UBR3: variants seen among roughly 807,000 people sequenced by gnomAD.
UBR3 encodes the protein E3 ubiquitin-protein ligase UBR3.
Under a neutral mutation model 243.2 loss-of-function variants are expected in UBR3, and 85 were observed. The observed-to-expected ratio is 0.35, with a 90% CI of 0.29 to 0.42. The LOEUF is 0.42. Among genes scored for constraint, UBR3 ranks in the 10% least tolerant of loss-of-function variants. UBR3 has a pLI of 1.00. For synonymous variants in UBR3, 748 were observed against 799.8 expected, an observed-to-expected ratio of 0.94 and a Z score of 1.09; for missense variants, 1,686 against 2,300.8, an observed-to-expected ratio of 0.73 and a Z score of 5.47.
At chr2:170,045,486 TC>T (rs2091061985) in intron 32 of UBR3, among the ~76,000 whole-genome samples, 1 of 152,150 alleles carries the variant, frequency 6.6e-6, no homozygotes, top group East Asian at 1.9e-4. Flanking sequence ...GAATACAGAC[TC>T]CCAAGATTCT....
intron 31 of UBR3, among the ~76,000 whole-genome samples, chr2:170,036,432 C>G (rs1482620096): frequency 6.6e-6 from 1 of 152,056 alleles, no homozygotes; most frequent in Non-Finnish European, 1.5e-5. Context: ...ATTTCTCTCT[C>G]TGTCCTTAGA....
At chr2:170,045,305 A>G (rs1005712067) in intron 32 of UBR3, among the ~76,000 whole-genome samples, 4 of 152,144 alleles carry the variant, frequency 2.6e-5, no homozygotes, top group Non-Finnish European at 5.9e-5. Context: ...GTTATCTCCC[A>G]CTGGGTCCCT....
chr2:170,000,165 A>G (rs899583834), intron 26 of UBR3, among the ~76,000 whole-genome samples: 2 of 151,866 alleles, frequency 1.3e-5, no homozygotes, highest in African/African-American at 4.8e-5. Context: ...AAAAAAAAAC[A>G]AATTTGGAAA....
intron 1 of UBR3, among the ~76,000 whole-genome samples, chr2:169,855,833 A>G (rs1409500872): frequency 2.0e-5 from 3 of 152,238 alleles, no homozygotes; most frequent in Non-Finnish European, 4.4e-5. Flanking sequence ...CGCCATCGTC[A>G]TCATGGCCCC....
intron 26 of UBR3, among the ~76,000 whole-genome samples, chr2:169,998,701 T>C (rs1423628381): frequency 6.6e-6 from 1 of 152,232 alleles, no homozygotes; most frequent in Admixed American, 6.5e-5. Context: ...TAGATTCTAC[T>C]GTCTTCAGAT....
chr2:169,944,878 T>C (rs2086726333), intron 20 of UBR3, among the ~76,000 whole-genome samples: 1 of 152,158 alleles, frequency 6.6e-6, no homozygotes, highest in Non-Finnish European at 1.5e-5. Context: ...TGTTCTAGTG[T>C]TGCTTACACT....
chr2:169,989,029 G>T (rs2089158854), intron 25 of UBR3, among the ~76,000 whole-genome samples: 1 of 152,094 alleles, frequency 6.6e-6, no homozygotes, highest in Non-Finnish European at 1.5e-5. Context: ...CTAAGGAGAT[G>T]TGCAAAGTGA....
At chr2:169,989,824 A>AC (rs1479718486) in intron 25 of UBR3, among the ~76,000 whole-genome samples, 1 of 152,168 alleles carries the variant, frequency 6.6e-6, no homozygotes, top group Non-Finnish European at 1.5e-5. Flanking sequence ...CTCTATAGTT[A>AC]CTTTCTTGTT....
intron 1 of UBR3, among the ~76,000 whole-genome samples, chr2:169,850,971 A>G (rs2082637343): frequency 6.6e-6 from 1 of 152,188 alleles, no homozygotes; most frequent in Non-Finnish European, 1.5e-5. Flanking sequence ...ACTTGGTTAC[A>G]TTTCTGCTTT....
intron 8 of UBR3, among the ~76,000 whole-genome samples, chr2:169,904,294 G>A (rs1310158635): frequency 6.6e-6 from 1 of 152,084 alleles, no homozygotes; most frequent in Non-Finnish European, 1.5e-5. Context: ...AACAAAAATT[G>A]ACTCTAGGTA....
intron 1 of UBR3, among the ~76,000 whole-genome samples, chr2:169,846,585 C>A (rs903069646): frequency 2.0e-5 from 3 of 151,950 alleles, no homozygotes; most frequent in Non-Finnish European, 4.4e-5. Context: ...TGGCATGTGC[C>A]TGTAATCCCA....
chr2:169,949,826 A>G lies in UBR3; in HGVS notation c.3306A>G (p.Gly1102=). ...LLIKLHHKLS[G]KQNSYYPPWL... ...TTAAACTTCACCACAAACTCTCAGGAAAACAAAACTCCTACTATCCTCCTT... is the reference window on the plus strand; with the variant it reads ...TTAAACTTCACCACAAACTCTCAGGGAAACAAAACTCCTACTATCCTCCTT... Residue 1102 remains glycine (G), a synonymous_variant, in exon 23 of 39, where the codon GGA becomes GGG. Transcript: ENST00000272793. The G allele has an allele frequency of 1.3e-6, 2 of 1,560,238 alleles. No homozygotes were observed. The highest frequency in any genetic ancestry group is 1.7e-6 in the Non-Finnish European group (2 of 1,150,874).
chr2:169,906,928 G>A (rs1049376557), intron 10 of UBR3, among the ~76,000 whole-genome samples: 12 of 151,728 alleles, frequency 7.9e-5, no homozygotes, highest in Admixed American at 3.3e-4. Flanking sequence ...CCACTTAAGC[G>A]TATGTGTTTC....
chr2:170,021,165 C>G lies in UBR3; in HGVS notation c.4453+5799C>G, dbSNP rs1387201637. Among the ~76,000 whole-genome samples, 7 of 152,220 alleles carry G rather than the reference C, an allele frequency of 4.6e-5. No individual in the cohort carries two copies. The East Asian group carries it at 1.3e-3, about 29-fold the overall frequency. ...AATTTTATAATATATATTCTAGTTT[C>G]TATAGATTGTAAATCTCAACATTAA... On this transcript the variant is annotated intron_variant, in intron 30 of 38. Transcript: ENST00000272793.
chr2:169,934,246 G>A (rs2086242163), intron 19 of UBR3, among the ~76,000 whole-genome samples: 1 of 152,152 alleles, frequency 6.6e-6, no homozygotes, highest in Admixed American at 6.5e-5. Context: ...AAACCTTATT[G>A]AGACTTCATA....
chr2:169,888,371 T>A (rs1301578984), intron 5 of UBR3, among the ~76,000 whole-genome samples: 1 of 151,820 alleles, frequency 6.6e-6, no homozygotes, highest in African/African-American at 2.4e-5. Flanking sequence ...ACTCCTGACC[T>A]CAGGTGATCC....
intron 8 of UBR3, among the ~76,000 whole-genome samples, chr2:169,904,418 C>T (rs968515684): frequency 1.3e-5 from 2 of 152,080 alleles, no homozygotes; most frequent in African/African-American, 4.8e-5. Context: ...TCCAGTGAGT[C>T]AGTGAAGTTG....
chr2:169,992,990 G>T (rs1352950723), intron 25 of UBR3, among the ~76,000 whole-genome samples: 1 of 152,038 alleles, frequency 6.6e-6, no homozygotes, highest in Non-Finnish European at 1.5e-5. Context: ...TGAACTTCTG[G>T]CCTCAAGTAG....
intron 32 of UBR3, among the ~76,000 whole-genome samples, chr2:170,046,529 T>G (rs1421147803): frequency 6.6e-6 from 1 of 152,208 alleles, no homozygotes; most frequent in African/African-American, 2.4e-5. Flanking sequence ...GGCAGATAGA[T>G]TTAGATGGAA....
Sources: gnomAD v4.1 joint callset for allele counts (sites outside exome capture counted in the v4.1 genomes callset) on GRCh38, gnomAD v4.1.1 for gene constraint, MANE v1.5 for transcripts, NCBI Gene and HGNC (gene_info 2026-07-23, HGNC 2026-07-21) for gene names.